Variants in TTC7B observed in about 807,000 individuals in gnomAD.
The protein encoded by TTC7B is tetratricopeptide repeat protein 7B.
A neutral mutation model predicts 106.8 loss-of-function variants in TTC7B; 28 were observed. The ratio of observed to expected loss-of-function variants is 0.26; its 90% CI spans 0.19 to 0.36. TTC7B has a LOEUF of 0.36. TTC7B is among the 10% of genes least tolerant of loss of function. The pLI, the probability that TTC7B is intolerant of heterozygous loss-of-function variation, is 1.00. For synonymous variants in TTC7B, 405 were observed against 430.6 expected, an observed-to-expected ratio of 0.94 and a Z score of 0.74; for missense variants, 862 against 1,076.4, an observed-to-expected ratio of 0.80 and a Z score of 2.79.
chr14:90,657,292 G>A lies in TTC7B; in HGVS notation c.1237-14C>T, dbSNP rs758810301. 1 of 1,611,798 alleles carries A rather than the reference G, an allele frequency of 6.2e-7. No homozygotes were observed. Among genetic ancestry groups the A allele is most frequent in the South Asian group, 1.1e-5 (1 of 91,060 alleles). On this transcript the variant is annotated splice_polypyrimidine_tract_variant and intron_variant, in intron 10 of 19. Transcript: ENST00000328459. The surrounding 1 kb of genome is among the most constrained non-coding windows in gnomAD (Gnocchi z 4.2). ...GGCACGGGCAGACTTGGCAAGAGAA[G>A]ATTATTTCCGTGAAACTCAAAGTGT... is the stretch of plus-strand genomic sequence containing the variant.
chr14:90,741,907 T>C (rs1488837380), intron 4 of TTC7B, among the ~76,000 whole-genome samples: 1 of 151,992 alleles, frequency 6.6e-6, no homozygotes, highest in Non-Finnish European at 1.5e-5. Flanking sequence ...TCTGGGGAGG[T>C]CCAAACTGGT....
chr14:90,692,208 G>GT (rs995237468), intron 6 of TTC7B, among the ~76,000 whole-genome samples: 9 of 152,024 alleles, frequency 5.9e-5, no homozygotes, highest in African/African-American at 1.9e-4. Context: ...AACATCTGTG[G>GT]TTTTTTTTGT....
intron 1 of TTC7B, among the ~76,000 whole-genome samples, chr14:90,796,308 TA>T: frequency 6.6e-6 from 1 of 152,312 alleles, no homozygotes; most frequent in Non-Finnish European, 1.5e-5. Context: ...GAGGCTGCAG[TA>T]ACTAGCTCCC....
intron 11 of TTC7B, among the ~76,000 whole-genome samples, chr14:90,655,779 T>C (rs17188808): frequency 0.037 from 5,624 of 152,256 alleles, 138 homozygotes; most frequent in Non-Finnish European, 0.055. Flanking sequence ...CTGGAGTTCA[T>C]ATACTCTTGA....
intron 19 of TTC7B, among the ~76,000 whole-genome samples, chr14:90,561,689 G>A (rs919593712): frequency 4.0e-4 from 61 of 152,298 alleles, no homozygotes; most frequent in Admixed American, 3.9e-3. Context: ...TCTAATTCAA[G>A]CCACTTCTGC....
At chr14:90,701,690 GTATATATA>G (rs71461917) in intron 5 of TTC7B, among the ~76,000 whole-genome samples, 7 of 77,642 alleles carry the variant, frequency 9.0e-5, no homozygotes, top group African/African-American at 3.4e-4. Context: ...CAAAAGAAAC[GTATATATA>G]TATATATATA....
At chr14:90,789,883 G>A (rs1388085183) in intron 1 of TTC7B, among the ~76,000 whole-genome samples, 1 of 145,548 alleles carries the variant, frequency 6.9e-6, no homozygotes. Flanking sequence ...GCAACAGAGC[G>A]AGACTCTGTC....
In TTC7B at chr14:90,581,199, C is replaced by G. The variant is rs550468914; in HGVS notation, c.2108-2891G>C. The stretch of plus-strand genomic sequence containing the variant: ...GCATACTGGGTGACTCCTGCAGACA[C>G]AGAAACTCGAGCAATTCCAGCACCA... On this transcript the variant is annotated intron_variant, in intron 18 of 19. Transcript: ENST00000328459. Among the ~76,000 whole-genome samples, 16 of 152,300 alleles carry G rather than the reference C, an allele frequency of 1.1e-4. No individual in the cohort carries two copies. In the East Asian group the frequency reaches 2.9e-3, roughly 28 times the overall value.
intron 7 of TTC7B, among the ~76,000 whole-genome samples, chr14:90,681,894 T>TGC (rs1887064824): frequency 2.4e-4 from 3 of 12,688 alleles, no homozygotes; most frequent in Non-Finnish European, 5.0e-4. Flanking sequence ...TGTGTGTGTA[T>TGC]GTGTGTGTGC....
intron 1 of TTC7B, among the ~76,000 whole-genome samples, chr14:90,796,404 C>T (rs1891776402): frequency 6.6e-6 from 1 of 152,198 alleles, no homozygotes; most frequent in South Asian, 2.1e-4. Flanking sequence ...GAATGAGCCA[C>T]CCTGCAGGGG....
chr14:90,622,253 G>A (rs915223933), intron 15 of TTC7B, among the ~76,000 whole-genome samples: 2 of 151,746 alleles, frequency 1.3e-5, no homozygotes, highest in African/African-American at 4.8e-5. Context: ...CAAATAGCTG[G>A]GACCACAGGT....
rs562988861 is a variant in TTC7B at position 90,709,104 on chromosome 14, C to CA, written c.699-13527dup. ...CTGTTGGTGGGACTGTAAACTAGTT[C>CA]AACCATTGTGGAAGTTGGTGTGGTG... On this transcript the variant is annotated intron_variant, in intron 5 of 19. Coordinates refer to ENST00000328459, the MANE Select transcript of TTC7B (RefSeq NM_001010854.2). 4.2e-3 allele frequency among the ~76,000 whole-genome samples: 637 copies of CA among 152,116 alleles called. 5 individuals are homozygous for CA. Among genetic ancestry groups the CA allele is most frequent in the Middle Eastern group, 0.014 (4 of 294 alleles).
rs1235996041 is a variant in TTC7B at position 90,786,309 on chromosome 14, G to A, written c.141C>T (p.Leu47=). 8.1e-6 allele frequency: 13 copies of A among 1,613,438 alleles called. No individual in the cohort carries two copies. The highest frequency in any genetic ancestry group is 1.1e-5 in the Non-Finnish European group (13 of 1,179,748). The part of the protein sequence containing the change: ...LIANDDMAEL[L]LGESKLEQYL... ...ACTGCTCCAGCTTCGACTCCCCGAG[G>A]AGAAGCTCTGCCATGTCATCTACAA... The change falls in exon 2 of 20, where the codon CTC becomes CTT. Residue 47 remains leucine, a synonymous_variant. Transcript: ENST00000328459.
intron 5 of TTC7B, among the ~76,000 whole-genome samples, chr14:90,726,920 A>G (rs2139984933): frequency 6.6e-6 from 1 of 152,282 alleles, no homozygotes; most frequent in African/African-American, 2.4e-5. Context: ...GACCGCGCCC[A>G]GAGACTCGGG....
intron 7 of TTC7B, among the ~76,000 whole-genome samples, chr14:90,688,861 G>T (rs567569607): frequency 6.6e-6 from 1 of 151,902 alleles, no homozygotes; most frequent in East Asian, 1.9e-4. Context: ...GGGAATTCAA[G>T]ACTTGAATGG....
intron 5 of TTC7B, among the ~76,000 whole-genome samples, chr14:90,711,889 G>T (rs1595307513): frequency 6.6e-6 from 1 of 152,232 alleles, no homozygotes; most frequent in Middle Eastern, 3.4e-3. Flanking sequence ...AATAGTAGGT[G>T]TAAATCCAAT....
At chr14:90,727,352 AG>A (rs1044729052) in intron 5 of TTC7B, among the ~76,000 whole-genome samples, 9 of 152,208 alleles carry the variant, frequency 5.9e-5, no homozygotes. Context: ...CTGGAGCCCA[AG>A]GAACTGTGTG....
intron 1 of TTC7B, among the ~76,000 whole-genome samples, chr14:90,787,216 G>A (rs2140042082): frequency 6.6e-6 from 1 of 152,258 alleles, no homozygotes; most frequent in East Asian, 1.9e-4. Flanking sequence ...TTACTCCCGA[G>A]AGCATACTAC....
At chr14:90,662,402 T>G (rs543711050) in intron 9 of TTC7B, among the ~76,000 whole-genome samples, 1 of 152,342 alleles carries the variant, frequency 6.6e-6, no homozygotes, top group African/African-American at 2.4e-5. Context: ...ATGGATAAGT[T>G]ACTTTTCTGC....
Sources: allele counts gnomAD v4.1 joint callset (sites outside exome capture counted in the v4.1 genomes callset), GRCh38; gene constraint gnomAD v4.1.1; non-coding constraint Gnocchi (gnomAD v3.1); transcripts MANE v1.5; gene names NCBI Gene and HGNC (gene_info 2026-07-23, HGNC 2026-07-21).